The following CREM variants were observed in gnomAD, a reference collection of about 807,000 sequenced individuals.
CREM encodes cAMP responsive element modulator, also known as cAMP-responsive element modulator.
In CREM, 13 loss-of-function variants were observed where a neutral mutation model predicts 37.3. That is an observed-to-expected ratio of 0.35 (90% confidence interval 0.23 to 0.55). CREM has a LOEUF of 0.55. CREM is among the 20% of genes least tolerant of loss of function. CREM has a pLI of 0.88. For synonymous variants in CREM, 124 were observed against 120.2 expected, an observed-to-expected ratio of 1.03 and a Z score of -0.21; for missense variants, 296 against 362.3, an observed-to-expected ratio of 0.82 and a Z score of 1.49.
At chr10:35,152,241 A>T (rs4934536) in intron 3 of CREM, 2 of 152,060 alleles carry the variant, frequency 1.3e-5, no homozygotes, top group Non-Finnish European at 2.9e-5. Flanking sequence ...ATCTAAGGTC[A>T]TTTGATACTG....
chr10:35,185,722 C>G (rs1420073711), intron 5 of CREM, among the ~76,000 whole-genome samples: 2 of 152,158 alleles, frequency 1.3e-5, no homozygotes, highest in Non-Finnish European at 2.9e-5. Context: ...AATAACTGCT[C>G]TAGGTGAGCC....
At chr10:35,199,585 A>C (rs1412873444) in intron 6 of CREM, among the ~76,000 whole-genome samples, 1 of 152,208 alleles carries the variant, frequency 6.6e-6, no homozygotes, top group African/African-American at 2.4e-5. Context: ...GGTAGGCCTC[A>C]CTAGGAAACC....
At chr10:35,142,987 G>A (rs971373335) in intron 2 of CREM, among the ~76,000 whole-genome samples, 4 of 152,082 alleles carry the variant, frequency 2.6e-5, no homozygotes, top group Non-Finnish European at 5.9e-5. Flanking sequence ...ATGAAGAGTT[G>A]GTTTTATCCA....
At chr10:35,188,141 G>A (rs943348037) in intron 5 of CREM, 59 bp from the exon 6 acceptor site, 8 of 1,477,786 alleles carry the variant, frequency 5.4e-6, no homozygotes, top group Non-Finnish European at 7.3e-6. Context: ...TCTTCCAATA[G>A]GGGATTATTA....
intron 1 of CREM, among the ~76,000 whole-genome samples, chr10:35,132,067 G>A (rs922228985): frequency 1.3e-5 from 2 of 152,052 alleles, no homozygotes; most frequent in Non-Finnish European, 2.9e-5. Context: ...TGGGCATGGT[G>A]GCTCGCGCGT....
At chr10:35,208,390 CATAA>C (rs1268791093) in intron 7 of CREM, among the ~76,000 whole-genome samples, 5 of 152,150 alleles carry the variant, frequency 3.3e-5, no homozygotes, top group Admixed American at 6.5e-5. Flanking sequence ...AAAATTTAAA[CATAA>C]ATAAAATTTT....
At chr10:35,183,382 G>A (rs981757326) in intron 5 of CREM, among the ~76,000 whole-genome samples, 6 of 152,258 alleles carry the variant, frequency 3.9e-5, no homozygotes, top group Middle Eastern at 6.8e-3. Context: ...TTACACATTC[G>A]AAAGTTAATC....
At chr10:35,176,013 C>T (rs2094052773) in intron 3 of CREM, 2 of 1,542,364 alleles carry the variant, frequency 1.3e-6, no homozygotes, top group Non-Finnish European at 1.7e-6. Flanking sequence ...AGCTTCCTTC[C>T]TGAATGGTTT....
chr10:35,127,427 C>G (rs1328293143), intron 1 of CREM: 1 of 152,124 alleles, frequency 6.6e-6, no homozygotes, highest in Non-Finnish European at 1.5e-5. Flanking sequence ...GGCTCGCCGC[C>G]CCACGCCCGC....
chr10:35,169,113 CGT>C (rs1169274811), intron 3 of CREM, among the ~76,000 whole-genome samples: 1 of 151,936 alleles, frequency 6.6e-6, no homozygotes, highest in African/African-American at 2.4e-5. Flanking sequence ...ACTTTAAAGT[CGT>C]TTTTTCCATT....
At position 35,148,521 on chromosome 10, in the gene CREM, C is replaced by A. The variant is rs530953645; in HGVS notation, c.168+30C>A. Reference sequence around the variant, plus strand: ...GCAATAGGCAGGCACCGTTGAAAGTCAAAATATATGGAAATGAGAATTAGG... The same window carrying A: ...GCAATAGGCAGGCACCGTTGAAAGTAAAAATATATGGAAATGAGAATTAGG... On this transcript the variant is annotated intron_variant, in intron 3 of 7. Transcript: ENST00000685392. 3.1e-5 allele frequency: 49 copies of A among 1,592,404 alleles called. No individual in the cohort carries two copies. In the East Asian group the frequency reaches 9.3e-4, roughly 30 times the overall value.
intron 3 of CREM, among the ~76,000 whole-genome samples, chr10:35,150,228 T>C (rs2092495103): frequency 6.6e-6 from 1 of 152,068 alleles, no homozygotes; most frequent in Admixed American, 6.5e-5. Flanking sequence ...AAGTTCTCAC[T>C]ATATTGCCCA....
intron 6 of CREM, among the ~76,000 whole-genome samples, chr10:35,188,989 T>A (rs1046445786): frequency 6.6e-6 from 1 of 152,162 alleles, no homozygotes; most frequent in African/African-American, 2.4e-5. Flanking sequence ...AATGAATTTT[T>A]AAATTAATTA....
intron 5 of CREM, among the ~76,000 whole-genome samples, chr10:35,180,777 C>G (rs1291323557): frequency 6.6e-6 from 1 of 152,204 alleles, no homozygotes; most frequent in Non-Finnish European, 1.5e-5. Context: ...CAGCACAGCA[C>G]GCAGGTTATG....
intron 1 of CREM, 34 bp from the exon 2 acceptor site, chr10:35,137,748 G>T (rs978245818): frequency 1.1e-6 from 1 of 942,450 alleles, no homozygotes; most frequent in South Asian, 2.0e-5. Flanking sequence ...GAAATGTTAC[G>T]ATCTCCCAAT....
intron 3 of CREM, among the ~76,000 whole-genome samples, chr10:35,165,519 C>CT (rs1034380226): frequency 7.9e-5 from 12 of 152,002 alleles, no homozygotes; most frequent in East Asian, 1.9e-4. Flanking sequence ...CATAAAAAGC[C>CT]TTTTTTTGGC....
chr10:35,135,916 A>T (rs2090433293), intron 1 of CREM, among the ~76,000 whole-genome samples: 1 of 152,094 alleles, frequency 6.6e-6, no homozygotes, highest in Non-Finnish European at 1.5e-5. Flanking sequence ...ATCCTTTTAG[A>T]TTTGGCAAGC....
intron 6 of CREM, among the ~76,000 whole-genome samples, chr10:35,198,928 T>G (rs1409556769): frequency 6.6e-6 from 1 of 152,204 alleles, no homozygotes; most frequent in African/African-American, 2.4e-5. Flanking sequence ...GGTGGGCTGA[T>G]CACCTGAGGT....
intron 1 of CREM, among the ~76,000 whole-genome samples, chr10:35,131,333 G>GT (rs921634583): frequency 7.9e-5 from 12 of 151,178 alleles, no homozygotes; most frequent in African/African-American, 2.9e-4. Flanking sequence ...CTTAGTAAAG[G>GT]TTTTTTTTTG....
Sources: allele counts gnomAD v4.1 joint callset (sites outside exome capture counted in the v4.1 genomes callset), GRCh38; gene constraint gnomAD v4.1.1; transcripts MANE v1.5; gene names NCBI Gene and HGNC (gene_info 2026-07-23, HGNC 2026-07-21).